The following PLCB1 variants were observed in gnomAD, a reference collection of about 807,000 sequenced individuals.
PLCB1 encodes the protein phospholipase C beta 1.
In PLCB1, 46 loss-of-function variants were observed where a neutral mutation model predicts 161.8. That is an observed-to-expected ratio of 0.28 (90% CI 0.22 to 0.36). The LOEUF (loss-of-function observed/expected upper bound fraction) is 0.36, where lower values mean the gene tolerates loss of function less well. Ranked by LOEUF, PLCB1 falls within the 10% of genes least tolerant of loss-of-function variation. The probability of loss-of-function intolerance (pLI) is 1.00; values close to 1 mark genes in which losing one functional copy is unlikely to be tolerated. For missense variants in PLCB1, 1,016 were observed against 1,472.5 expected (o/e 0.69, Z 5.07); for synonymous variants, 517 against 503.7 (o/e 1.03, Z -0.35).
At chr20:8,444,676 G>T (rs144909508) in intron 3 of PLCB1, among the ~76,000 whole-genome samples, 18 of 152,318 alleles carry the variant, frequency 1.2e-4, no homozygotes, top group African/African-American at 4.3e-4. Flanking sequence ...CAATGTAAAA[G>T]TGTTCCTGTT....
chr20:8,565,179 C>A (rs1406805028), intron 3 of PLCB1, among the ~76,000 whole-genome samples: 1 of 152,074 alleles, frequency 6.6e-6, no homozygotes, highest in Non-Finnish European at 1.5e-5. Flanking sequence ...GAGTTCATGT[C>A]CTTTGCAGGG....
At chr20:8,607,656 T>G (rs111343268) in intron 3 of PLCB1, among the ~76,000 whole-genome samples, 29 of 152,282 alleles carry the variant, frequency 1.9e-4, no homozygotes, top group African/African-American at 6.3e-4. Flanking sequence ...CTTACCCCAT[T>G]TTATTTTCAT....
At chr20:8,559,264 C>A (rs1600152851) in intron 3 of PLCB1, among the ~76,000 whole-genome samples, 1 of 151,618 alleles carries the variant, frequency 6.6e-6, no homozygotes. Flanking sequence ...TTAAATCAAG[C>A]CAGATTATAA....
At chr20:8,334,075 GGT>G (rs1985469724) in intron 2 of PLCB1, among the ~76,000 whole-genome samples, 1 of 152,130 alleles carries the variant, frequency 6.6e-6, no homozygotes, top group Non-Finnish European at 1.5e-5. Flanking sequence ...CGGGTGTGGT[GGT>G]GCATGCCTGT....
chr20:8,351,092 A>G (rs1227459032), intron 2 of PLCB1, among the ~76,000 whole-genome samples: 1 of 152,178 alleles, frequency 6.6e-6, no homozygotes, highest in African/African-American at 2.4e-5. Flanking sequence ...ATATGATTTA[A>G]GACTTACTAT....
chr20:8,475,978 G>A (rs1309209097), intron 3 of PLCB1, among the ~76,000 whole-genome samples: 1 of 152,158 alleles, frequency 6.6e-6, no homozygotes. Context: ...TCTGACGCAG[G>A]TCTGGTGTGG....
In PLCB1 at chr20:8,685,742, G is replaced by GA. The variant is rs539734021; in HGVS notation, c.1009+674dup. Among the ~76,000 whole-genome samples, 85 of 145,482 alleles carry GA rather than the reference G, an allele frequency of 5.8e-4. No homozygotes were observed. The South Asian group carries it at 8.5e-3, about 15-fold the overall frequency. On this transcript the variant is annotated intron_variant, in intron 10 of 31. Transcript: ENST00000338037. ...ACAAGAATGAAACTTTGTCTCAAAA[G>GA]AAAAAAAAAAGAATTAAGTAATTGC... is the stretch of plus-strand genomic sequence containing the variant.
intron 2 of PLCB1, among the ~76,000 whole-genome samples, chr20:8,210,971 A>C (rs1978792758): frequency 6.6e-6 from 1 of 152,106 alleles, no homozygotes; most frequent in Admixed American, 6.6e-5. Context: ...CTCAGGATGG[A>C]TGCATGCATT....
intron 31 of PLCB1, among the ~76,000 whole-genome samples, chr20:8,872,084 C>G (rs141370293): frequency 7.9e-5 from 12 of 152,154 alleles, no homozygotes; most frequent in Admixed American, 6.5e-4. Context: ...TTGTGTAGAT[C>G]TATGGCATCA....
chr20:8,469,659 A>C (rs1158129885), intron 3 of PLCB1, among the ~76,000 whole-genome samples: 3 of 152,152 alleles, frequency 2.0e-5, no homozygotes, highest in Non-Finnish European at 2.9e-5. Flanking sequence ...AATTCTTATA[A>C]AAATCAAAAG....
intron 27 of PLCB1, among the ~76,000 whole-genome samples, chr20:8,775,054 T>A (rs1484210424): frequency 2.0e-5 from 3 of 147,700 alleles, no homozygotes; most frequent in Non-Finnish European, 3.0e-5. Flanking sequence ...ATTAAGAACA[T>A]GTTGCAAACA....
intron 3 of PLCB1, among the ~76,000 whole-genome samples, chr20:8,392,788 T>G (rs908053137): frequency 3.3e-5 from 5 of 152,194 alleles, no homozygotes; most frequent in African/African-American, 1.2e-4. Context: ...TGAAAATTCT[T>G]AAATTCCTTC....
chr20:8,545,340 G>A (rs1985496690), intron 3 of PLCB1, among the ~76,000 whole-genome samples: 1 of 152,208 alleles, frequency 6.6e-6, no homozygotes, highest in African/African-American at 2.4e-5. Context: ...GTTAATTGAA[G>A]ACAGGACCAT....
chr20:8,726,523 G>A (rs906933735), intron 16 of PLCB1, among the ~76,000 whole-genome samples: 2 of 152,072 alleles, frequency 1.3e-5, no homozygotes, highest in African/African-American at 4.8e-5. Context: ...GAGGCGGAAG[G>A]CACCTCTTCA....
At chr20:8,876,808 G>T (rs1017068149) in intron 31 of PLCB1, among the ~76,000 whole-genome samples, 1 of 152,138 alleles carries the variant, frequency 6.6e-6, no homozygotes, top group East Asian at 1.9e-4. Flanking sequence ...TCCTCTTCTG[G>T]CAAGCTAGGC....
chr20:8,821,884 C>G (rs1284773092), intron 31 of PLCB1, among the ~76,000 whole-genome samples: 1 of 152,030 alleles, frequency 6.6e-6, no homozygotes, highest in East Asian at 1.9e-4. Context: ...TTGTCTGTCC[C>G]CAGATGGAAC....
intron 1 of PLCB1, among the ~76,000 whole-genome samples, chr20:8,144,350 G>T (rs2051432958): frequency 6.6e-6 from 1 of 152,152 alleles, no homozygotes; most frequent in South Asian, 2.1e-4. Context: ...TTATCTGAAG[G>T]ATCTTGCACG....
chr20:8,539,629 T>TTTCTTTCC (rs1555768716), intron 3 of PLCB1, among the ~76,000 whole-genome samples: 41 of 80,214 alleles, frequency 5.1e-4, no homozygotes, highest in African/African-American at 2.1e-3. Flanking sequence ...TCTTTCTTTC[T>TTTCTTTCC]TTCTTTCTTT....
chr20:8,273,921 A>G (rs1270898813), intron 2 of PLCB1, among the ~76,000 whole-genome samples: 3 of 152,224 alleles, frequency 2.0e-5, no homozygotes, highest in Non-Finnish European at 2.9e-5. Context: ...TCAGACAACA[A>G]TAGTTCATAG....
Sources: gnomAD v4.1 joint callset for allele counts (sites outside exome capture counted in the v4.1 genomes callset) on GRCh38, gnomAD v4.1.1 for gene constraint, MANE v1.5 for transcripts, NCBI Gene and HGNC (gene_info 2026-07-23, HGNC 2026-07-21) for gene names.